The following LAMB3 variants were observed in gnomAD, a reference collection of about 807,000 sequenced individuals.
The protein encoded by LAMB3 is laminin subunit beta 3, also known as laminin subunit beta-3.
In LAMB3, 104 loss-of-function variants were observed where a neutral mutation model predicts 140.3. The observed-to-expected ratio is 0.74, with a 90% CI of 0.63 to 0.87. The LOEUF (loss-of-function observed/expected upper bound fraction) is 0.87. Ranked by LOEUF, LAMB3 falls within the 40% of genes least tolerant of loss-of-function variation. The probability of loss-of-function intolerance (pLI) is 0.00; values close to 1 mark genes in which losing one functional copy is unlikely to be tolerated. For synonymous variants in LAMB3, 592 were observed against 602.9 expected, an observed-to-expected ratio of 0.98 and a Z score of 0.26; for missense variants, 1,531 against 1,575.2, an observed-to-expected ratio of 0.97 and a Z score of 0.47.
intron 18 of LAMB3, among the ~76,000 whole-genome samples, chr1:209,619,647 C>G (rs1342056871): frequency 1.3e-5 from 2 of 152,202 alleles, no homozygotes; most frequent in South Asian, 4.1e-4. Flanking sequence ...CATCTCCTCC[C>G]CATCTCTCCC....
At chr1:209,640,119 A>G (rs1489122171) in intron 3 of LAMB3, among the ~76,000 whole-genome samples, 1 of 152,234 alleles carries the variant, frequency 6.6e-6, no homozygotes, top group Non-Finnish European at 1.5e-5. Context: ...GGTCTCACCC[A>G]GTCTGCAAAT....
chr1:209,627,646 A>C, intron 11 of LAMB3, 67 bp from the exon 12 acceptor site: 18 of 1,438,468 alleles, frequency 1.3e-5, no homozygotes, highest in Non-Finnish European at 1.7e-5. Flanking sequence ...GAGGACACAC[A>C]TCCAGGGAGG....
At chr1:209,626,124 T>C in intron 13 of LAMB3, 98 bp from the exon 14 acceptor site, 1 of 1,294,980 alleles carries the variant, frequency 7.7e-7, no homozygotes, top group Non-Finnish European at 1.1e-6. Context: ...TGAGGCTCTT[T>C]CTACATGACT....
intron 3 of LAMB3, among the ~76,000 whole-genome samples, chr1:209,648,471 A>T (rs928220601): frequency 6.6e-6 from 1 of 152,234 alleles, no homozygotes; most frequent in Non-Finnish European, 1.5e-5. Flanking sequence ...CAGCTTTCAC[A>T]GCAGAAAAAT....
chr1:209,651,987 A>T (rs2102469463), intron 1 of LAMB3, among the ~76,000 whole-genome samples: 1 of 152,154 alleles, frequency 6.6e-6, no homozygotes, highest in Admixed American at 6.5e-5. Context: ...CCAGGGAGGG[A>T]ACATGTGGCC....
At chr1:209,635,275 G>T (rs1001052446) in intron 5 of LAMB3, among the ~76,000 whole-genome samples, 1 of 152,174 alleles carries the variant, frequency 6.6e-6, no homozygotes, top group Non-Finnish European at 1.5e-5. Flanking sequence ...TACTGAACCA[G>T]GCCCAGGCCT....
chr1:209,633,619 C>T lies in LAMB3; in HGVS notation c.565-486G>A, dbSNP rs150974316. ...TCCCAGGAAGAGTTTTCACATCAGCCCTCCACAAGTTAGGAAAAAGTTCTT... is the reference window on the plus strand; with the variant it reads ...TCCCAGGAAGAGTTTTCACATCAGCTCTCCACAAGTTAGGAAAAAGTTCTT... On this transcript the variant is annotated intron_variant, in intron 6 of 22. Transcript: ENST00000356082. 2.7e-3 allele frequency among the ~76,000 whole-genome samples: 405 copies of T among 152,088 alleles called. 2 individuals are homozygous for T. The highest frequency in any genetic ancestry group is 4.6e-3 in the Admixed American group (71 of 15,288).
At position 209,646,839 on chromosome 1, in the gene LAMB3, A is replaced by G. The variant is rs1412686307; in HGVS notation, c.183+3125T>C. ...GTGCTCATGACAACCACTGAAGCCC[A>G]TTTTTCAAATGAGGCCAACGGATAG... On this transcript the variant is annotated intron_variant, in intron 3 of 22. Transcript: ENST00000356082. Among the ~76,000 whole-genome samples, 7 of 152,332 alleles carry G rather than the reference A, an allele frequency of 4.6e-5. No individual in the cohort carries two copies. In the East Asian group the frequency reaches 1.2e-3, roughly 25 times the overall value.
chr1:209,645,446 G>A (rs1461403130), intron 3 of LAMB3, among the ~76,000 whole-genome samples: 1 of 152,176 alleles, frequency 6.6e-6, no homozygotes, highest in African/African-American at 2.4e-5. Flanking sequence ...GCCGGGGGGA[G>A]TGGCTCACAC....
At chr1:209,627,314 C>A (rs1666499687) in intron 12 of LAMB3, 69 bp downstream of exon 12, 3 of 1,287,778 alleles carry the variant, frequency 2.3e-6, no homozygotes, top group Non-Finnish European at 3.3e-6. Flanking sequence ...CATGGAGGGG[C>A]AGCAGAGAGG....
chr1:209,651,885 G>C (rs1310237214), intron 1 of LAMB3, among the ~76,000 whole-genome samples: 1 of 150,614 alleles, frequency 6.6e-6, no homozygotes, highest in South Asian at 2.1e-4. Flanking sequence ...GGGCGGGGGG[G>C]GAAATTGAGG....
rs1375506940 is a variant in LAMB3, at chr1:209,623,165, GGAGTTGCCACA to G, written c.2362_2372del (p.Cys788GlnfsTer13). The G allele has an allele frequency of 1.2e-6, 2 of 1,614,204 alleles. No homozygotes were observed. Among genetic ancestry groups the G allele is most frequent in the South Asian group, 2.2e-5 (2 of 91,078 alleles). ...ATATTGGGGTGCAAGCCATCTGCCT[GGAGTTGCCACA>G]GAGCTGTGGACAGATGGCGGTGTTA... On this transcript the variant is annotated frameshift_variant, in exon 17 of 23. Coordinates refer to ENST00000356082, the MANE Select transcript of LAMB3 (RefSeq NM_000228.3). LOFTEE classifies it high-confidence loss of function. The surrounding 1 kb of genome is among the most constrained non-coding windows in gnomAD (Gnocchi z 4.2).
chr1:209,650,167 T>C (rs755993514), intron 2 of LAMB3, 49 bp from the exon 3 acceptor site: 3 of 1,563,806 alleles, frequency 1.9e-6, no homozygotes, highest in East Asian at 4.7e-5. Flanking sequence ...AAAAGGGACC[T>C]CACTGGCCAC....
At position 209,626,853 on chromosome 1, in the gene LAMB3, CT is replaced by C. The variant is rs1406591240; in HGVS notation, c.1597+13del. The C allele has an allele frequency of 6.2e-7, 1 of 1,605,540 alleles. No individual in the cohort carries two copies. The highest frequency in any genetic ancestry group is 1.3e-5 in the African/African-American group (1 of 74,848). On this transcript the variant is annotated intron_variant, in intron 13 of 22. Coordinates refer to ENST00000356082, the MANE Select transcript of LAMB3 (RefSeq NM_000228.3). ...CCCCAGAGCCTCAGCGTCCCCCAGG[CT>C]TTGAGCATGCACCTCGGCATCCTGT...
At chr1:209,650,222 T>C in intron 2 of LAMB3, 104 bp from the exon 3 acceptor site, 1 of 1,166,280 alleles carries the variant, frequency 8.6e-7, no homozygotes, top group East Asian at 2.6e-5. Flanking sequence ...ATTATATCCT[T>C]TCCCTCACTC....
Position 209,616,459 on chromosome 1 carries a change from C to G in LAMB3, c.3382+12G>C. 6.2e-7 allele frequency: 1 copy of G among 1,613,992 alleles called. No individual in the cohort carries two copies. On this transcript the variant is annotated intron_variant, in intron 22 of 22. Transcript: ENST00000356082. Reference sequence around the variant, plus strand: ...ATGCCCAATAGTCCATGCCCCTAAACCATTCCCTCACCTTTCATCCTGTCC... The same window carrying G: ...ATGCCCAATAGTCCATGCCCCTAAAGCATTCCCTCACCTTTCATCCTGTCC...
chr1:209,624,880 GAGGAAGGAAGGAAGGAAGGAAGGAAGGA>G lies in LAMB3; in HGVS notation c.1976+740_1976+767del, dbSNP rs397962425. Among the ~76,000 whole-genome samples the G allele has an allele frequency of 5.9e-5, 6 of 100,842 alleles. No individual in the cohort carries two copies. In the East Asian group the frequency reaches 8.8e-4, roughly 15 times the overall value. The allele number at this position is 100,842 out of a possible 152,430, so 66.2% of individuals were successfully genotyped here. On this transcript the variant is annotated intron_variant, in intron 14 of 22. Coordinates refer to ENST00000356082, the MANE Select transcript of LAMB3 (RefSeq NM_000228.3). ...TTATGTAAAGAGAAAGAAAGAGAGA[GAGGAAGGAAGGAAGGAAGGAAGGAAGGA>G]AGGAAGGAAGGAAGGAAGGAAGGAA...
intron 14 of LAMB3, among the ~76,000 whole-genome samples, chr1:209,624,410 C>T (rs74708817): frequency 0.012 from 1,832 of 152,298 alleles, 39 homozygotes; most frequent in African/African-American, 0.042. Flanking sequence ...GCTCCAGATC[C>T]CATCACTGCT....
In LAMB3 at chr1:209,623,732, C is replaced by T. The variant is rs779508669; in HGVS notation, c.2138-7G>A. On this transcript the variant is annotated splice_region_variant and splice_polypyrimidine_tract_variant and intron_variant, in intron 15 of 22. Transcript: ENST00000356082. This position sits in a 1 kb window ranked among gnomAD's most constrained non-coding sequence, Gnocchi z 4.2. ...CTCAGCATCCGGAAGGCTCCTGTGG[C>T]GAGAAGCATGAGGAATGGAGATGGA... 2.5e-5 allele frequency: 41 copies of T among 1,613,830 alleles called. No individual in the cohort carries two copies. In the East Asian group the frequency reaches 3.6e-4, roughly 14 times the overall value.
Sources: allele counts gnomAD v4.1 joint callset (sites outside exome capture counted in the v4.1 genomes callset), GRCh38; gene constraint gnomAD v4.1.1; non-coding constraint Gnocchi (gnomAD v3.1); transcripts MANE v1.5; gene names NCBI Gene and HGNC (gene_info 2026-07-23, HGNC 2026-07-21).